ARIH1: variants seen among roughly 807,000 people sequenced by gnomAD.
The protein encoded by ARIH1 is E3 ubiquitin-protein ligase ARIH1.
In ARIH1, 8 loss-of-function variants were observed where a neutral mutation model predicts 85.0. The observed-to-expected ratio is 0.09, with a 90% CI of 0.06 to 0.17. The LOEUF is 0.17. Ranked by LOEUF, ARIH1 falls within the 10% of genes least tolerant of loss-of-function variation. ARIH1 has a pLI of 1.00. For synonymous variants in ARIH1, 238 were observed against 253.6 expected, an observed-to-expected ratio of 0.94 and a Z score of 0.59; for missense variants, 311 against 718.1, an observed-to-expected ratio of 0.43 and a Z score of 6.48.
intron 2 of ARIH1, among the ~76,000 whole-genome samples, chr15:72,537,093 TTTGTTGTTGTTGTTG>T (rs144724943): frequency 2.6e-5 from 4 of 151,138 alleles, no homozygotes; most frequent in Admixed American, 1.3e-4. Context: ...AGTTCTCATT[TTTGTTGTTGTTGTTG>T]TTGTTGTTGT....
chr15:72,541,924 T>C (rs2064109121), intron 2 of ARIH1, among the ~76,000 whole-genome samples: 1 of 152,198 alleles, frequency 6.6e-6, no homozygotes, highest in African/African-American at 2.4e-5. Context: ...AACAATGGGA[T>C]GTAATTCAAG....
intron 11 of ARIH1, 41 bp downstream of exon 11, chr15:72,572,206 C>T: frequency 1.5e-6 from 2 of 1,324,126 alleles, no homozygotes; most frequent in Non-Finnish European, 2.1e-6. Flanking sequence ...ACTAAGAATG[C>T]ACGTTGTATA....
At chr15:72,547,029 G>A (rs2064132591) in intron 3 of ARIH1, among the ~76,000 whole-genome samples, 1 of 151,638 alleles carries the variant, frequency 6.6e-6, no homozygotes, top group Non-Finnish European at 1.5e-5. Flanking sequence ...CCAGGTTCAT[G>A]CCATTCGCCT....
At chr15:72,547,918 A>T (rs147348065) in intron 3 of ARIH1, among the ~76,000 whole-genome samples, 1 of 152,288 alleles carries the variant, frequency 6.6e-6, no homozygotes, top group East Asian at 1.9e-4. Flanking sequence ...CGCTGTTCTT[A>T]ATATGGTCTA....
chr15:72,488,572 T>C (rs1176580982), intron 1 of ARIH1, among the ~76,000 whole-genome samples: 1 of 152,238 alleles, frequency 6.6e-6, no homozygotes, highest in African/African-American at 2.4e-5. Flanking sequence ...AGCCTCTAGC[T>C]ATATATGAGG....
In ARIH1 at chr15:72,586,191, C is replaced by T. The variant is rs1293091440; in HGVS notation, c.*2899C>T. The T allele has an allele frequency of 6.6e-6, 1 of 152,170 alleles. No homozygotes were observed. The highest frequency in any genetic ancestry group is 1.5e-5 in the Non-Finnish European group (1 of 68,038). 9.4% of individuals were successfully genotyped at this position (152,170 alleles called of 1,614,324 possible). A position where few individuals can be genotyped will look rare whatever the true frequency, so the allele number is the denominator to read the frequency against. On this transcript the variant is annotated 3_prime_UTR_variant, in exon 14 of 14. Coordinates refer to ENST00000379887, the MANE Select transcript of ARIH1 (RefSeq NM_005744.5). ...TATGTTAGATACACGTGTATACATA[C>T]ACCCATATACAACAGATCCAAGACT...
At chr15:72,514,531 C>G (rs951829051) in intron 1 of ARIH1, among the ~76,000 whole-genome samples, 1 of 148,646 alleles carries the variant, frequency 6.7e-6, no homozygotes, top group Admixed American at 6.7e-5. Flanking sequence ...TATACAAAAC[C>G]CTGTCGCTAC....
chr15:72,481,719 C>T (rs1164942154), intron 1 of ARIH1, among the ~76,000 whole-genome samples: 1 of 152,110 alleles, frequency 6.6e-6, no homozygotes, highest in Non-Finnish European at 1.5e-5. Flanking sequence ...ATTTCCAGAA[C>T]CTAGGCAACG....
chr15:72,585,260 C>G lies in ARIH1; in HGVS notation c.*1968C>G, dbSNP rs2140442110. Reference sequence around the variant, plus strand: ...ACTTTACCTGTACCTTTTCTCCTTTCCTCCCTTGCCACCTCAGGTGCAAAT... The same window carrying G: ...ACTTTACCTGTACCTTTTCTCCTTTGCTCCCTTGCCACCTCAGGTGCAAAT... On this transcript the variant is annotated 3_prime_UTR_variant, in exon 14 of 14. Coordinates refer to ENST00000379887, the MANE Select transcript of ARIH1 (RefSeq NM_005744.5). The G allele has an allele frequency of 6.6e-6, 1 of 152,294 alleles. No homozygotes were observed. The highest frequency in any genetic ancestry group is 3.4e-3 in the Middle Eastern group (1 of 296). The allele number at this position is 152,294 out of a possible 1,614,324, so 9.4% of individuals were successfully genotyped here. A position where few individuals can be genotyped will look rare whatever the true frequency, so the allele number is the denominator to read the frequency against.
rs1368580963 is a variant in ARIH1, at chr15:72,582,574, G to T, written c.1589+387G>T. Among the ~76,000 whole-genome samples the T allele has an allele frequency of 6.6e-6, 1 of 151,190 alleles. No individual in the cohort carries two copies. The highest frequency in any genetic ancestry group is 1.5e-5 in the Non-Finnish European group (1 of 67,906). The stretch of plus-strand genomic sequence containing the variant: ...GAGCTATGGAAACTTACTTTTTAGA[G>T]TTTTTATTACATATATATATATATA... On this transcript the variant is annotated intron_variant, in intron 13 of 13. Coordinates refer to ENST00000379887, the MANE Select transcript of ARIH1 (RefSeq NM_005744.5). The surrounding 1 kb of genome is among the most constrained non-coding windows in gnomAD (Gnocchi z 4.6).
chr15:72,536,488 G>A lies in ARIH1; in HGVS notation c.444-8332G>A, dbSNP rs541807230. ...CAATAAAATTTTATTATGTAAAAAA[G>A]CTTTTTGATTAGCAAAATTTTTTAT... is the stretch of plus-strand genomic sequence containing the variant. On this transcript the variant is annotated intron_variant, in intron 2 of 13. Transcript: ENST00000379887. Among the ~76,000 whole-genome samples the A allele has an allele frequency of 2.6e-5, 4 of 152,196 alleles. No individual in the cohort carries two copies. The East Asian group carries it at 7.7e-4, about 29-fold the overall frequency.
rs14636 is a variant in ARIH1 at position 72,583,333 on chromosome 15, C to G, written c.*41C>G. 1 of 1,511,432 alleles carries G rather than the reference C, an allele frequency of 6.6e-7. No individual in the cohort carries two copies. Among genetic ancestry groups the G allele is most frequent in the East Asian group, 2.3e-5 (1 of 44,340 alleles). The allele number at this position is 1,511,432 out of a possible 1,614,324, so 93.6% of individuals were successfully genotyped here. On this transcript the variant is annotated 3_prime_UTR_variant, in exon 14 of 14. Transcript: ENST00000379887. ...AAATGAACTCTGAAAACTTTACCATCTAGAGTGCTCATGCAATTAAAACAA... is the reference window on the plus strand; with the variant it reads ...AAATGAACTCTGAAAACTTTACCATGTAGAGTGCTCATGCAATTAAAACAA...
rs1465452843 is a variant in ARIH1, at chr15:72,540,383, A to AATAC, written c.444-4435_444-4434insACAT. Among the ~76,000 whole-genome samples, 11 of 152,216 alleles carry AATAC rather than the reference A, an allele frequency of 7.2e-5. No homozygotes were observed. In the South Asian group the frequency reaches 2.3e-3, roughly 32 times the overall value. On this transcript the variant is annotated intron_variant, in intron 2 of 13. Transcript: ENST00000379887. ...ATCAATGTATTATTTAAGTTTTATA[A>AATAC]ATTAAGAAATGTATTTAAGTATTAA...
chr15:72,482,150 G>A (rs79483587), intron 1 of ARIH1, among the ~76,000 whole-genome samples: 10,911 of 152,156 alleles, frequency 0.072, 547 homozygotes, highest in Non-Finnish European at 0.11. Flanking sequence ...TTTTCAAATA[G>A]ACAAACTAAA....
chr15:72,477,092 C>T (rs771777924), intron 1 of ARIH1, among the ~76,000 whole-genome samples: 2 of 152,152 alleles, frequency 1.3e-5, no homozygotes, highest in Non-Finnish European at 2.9e-5. Flanking sequence ...ATTTTCAATG[C>T]ATTTGATACA....
intron 1 of ARIH1, among the ~76,000 whole-genome samples, chr15:72,497,133 T>C (rs1461579627): frequency 1.3e-5 from 2 of 152,226 alleles, no homozygotes; most frequent in East Asian, 3.8e-4. Context: ...ATAGAAGAGA[T>C]AATTAAATGG....
In ARIH1 at chr15:72,512,035, A is replaced by G. The variant is rs149986455; in HGVS notation, c.376-6032A>G. Among the ~76,000 whole-genome samples, 73 of 152,268 alleles carry G rather than the reference A, an allele frequency of 4.8e-4. 1 individual carries two copies. The East Asian group carries it at 0.014, about 28-fold the overall frequency. On this transcript the variant is annotated intron_variant, in intron 1 of 13. Transcript: ENST00000379887. ...ACGAACCCCACTTGATTGTGGTGTA[A>G]TTATCCTTTTTATATATTGCTAGAT...
intron 2 of ARIH1, among the ~76,000 whole-genome samples, chr15:72,520,504 G>A (rs2063994827): frequency 6.6e-6 from 1 of 151,888 alleles, no homozygotes; most frequent in African/African-American, 2.4e-5. Context: ...TTTAATATCA[G>A]AGATTAACAT....
intron 5 of ARIH1, among the ~76,000 whole-genome samples, chr15:72,557,784 A>G (rs966605453): frequency 1.3e-5 from 2 of 152,170 alleles, no homozygotes; most frequent in East Asian, 1.9e-4. Context: ...AGTTATCCCA[A>G]CAACCATTTA....
Sources: allele counts gnomAD v4.1 joint callset (sites outside exome capture counted in the v4.1 genomes callset), GRCh38; gene constraint gnomAD v4.1.1; non-coding constraint Gnocchi (gnomAD v3.1); transcripts MANE v1.5; gene names NCBI Gene and HGNC (gene_info 2026-07-23, HGNC 2026-07-21).